The following EIF2D variants were observed in gnomAD, a reference collection of about 807,000 sequenced individuals.
EIF2D encodes the protein hepatocellular carcinoma-associated antigen 56.
In EIF2D, 56 loss-of-function variants were observed where a neutral mutation model predicts 77.4. The observed-to-expected ratio is 0.72, with a 90% confidence interval of 0.58 to 0.90. The LOEUF is 0.90. Ranked by LOEUF, EIF2D falls within the 40% of genes least tolerant of loss-of-function variation. The pLI, the probability that EIF2D is intolerant of heterozygous loss-of-function variation, is 0.00. For synonymous variants in EIF2D, 230 were observed against 271.0 expected (o/e 0.85, Z 1.49); for missense variants, 574 against 706.5 (o/e 0.81, Z 2.13).
intron 1 of EIF2D, 49 bp downstream of exon 1, chr1:206,612,238 A>C: frequency 6.2e-7 from 1 of 1,612,248 alleles, no homozygotes; most frequent in Non-Finnish European, 8.5e-7. Flanking sequence ...GCGGGGCCCA[A>C]GAGGTGTCTG....
chr1:206,597,195 A>G lies in EIF2D; in HGVS notation c.1293T>C (p.Asn431=). ...KNDLVDADNK[N]LVRLDPILCD... is the part of the protein sequence containing the mutation. Reference sequence around the variant, plus strand: ...ATAGGATGGGATCCAATCTCACAAGACTAAAGGGAAAGAAGAGGCAATGAA... The same window carrying G: ...ATAGGATGGGATCCAATCTCACAAGGCTAAAGGGAAAGAAGAGGCAATGAA... Residue 431 remains asparagine, a splice_region_variant and synonymous_variant, in exon 12 of 15, where the codon AAT becomes AAC. Transcript: ENST00000271764. The G allele has an allele frequency of 1.2e-6, 2 of 1,611,798 alleles. No individual in the cohort carries two copies. The highest frequency in any genetic ancestry group is 1.7e-6 in the Non-Finnish European group (2 of 1,177,958).
At chr1:206,600,537 T>G (rs1669879137) in intron 7 of EIF2D, 2 of 480,088 alleles carry the variant, frequency 4.2e-6, no homozygotes, top group South Asian at 7.6e-5. Flanking sequence ...ATGTTCTCTG[T>G]GTTGTCTAAC....
chr1:206,589,749 TCTGA>T (rs1268704905), downstream of EIF2D, among the ~76,000 whole-genome samples: 3 of 152,244 alleles, frequency 2.0e-5, no homozygotes, highest in Admixed American at 6.5e-5. Context: ...ACTTGAGTTC[TCTGA>T]CTTTCATCAA....
At position 206,609,398 on chromosome 1, in the gene EIF2D, G is replaced by A. The variant is rs782810050; in HGVS notation, c.309C>T (p.Leu103=). ...LPTFTTWPLV[L]EKLVGGADLM... ...TACCTGCTCCCCCTACCAGTTTCTC[G>A]AGCACCAGAGGCCATGTTGTAAAGG... Residue 103 remains leucine, a synonymous_variant, in exon 3 of 15, where the codon CTC becomes CTT. Coordinates refer to ENST00000271764, the MANE Select transcript of EIF2D (RefSeq NM_006893.3). The A allele has an allele frequency of 3.7e-6, 6 of 1,614,058 alleles. No individual in the cohort carries two copies. The highest frequency in any genetic ancestry group is 1.1e-5 in the South Asian group (1 of 91,092).
At position 206,603,418 on chromosome 1, in the gene EIF2D, G is replaced by A. The variant is rs1487826276; in HGVS notation, c.531-214C>T. ...CTCAGTTTCTTCATCTCTGAAATGG[G>A]GAGAATAAATCTTGTCTCCTCCCTA... On this transcript the variant is annotated intron_variant, in intron 5 of 14. Transcript: ENST00000271764. 5 of 554,624 alleles carry A rather than the reference G, an allele frequency of 9.0e-6. No individual in the cohort carries two copies. The African/African-American group carries it at 9.4e-5, about 10-fold the overall frequency. 34.4% of individuals were successfully genotyped at this position (554,624 alleles called of 1,614,324 possible).
chr1:206,593,508 A>AGTGTGTGTGTGC (rs371749910), intron 14 of EIF2D, 111 bp downstream of exon 14: 21,581 of 398,568 alleles, frequency 0.054, 630 homozygotes, highest in Non-Finnish European at 0.071. Flanking sequence ...AGAGAGAGAG[A>AGTGTGTGTGTGC]GTGTGTGTGT....
At chr1:206,583,015 A>C in intron 2 of EIF2D, 1 of 420,404 alleles carries the variant, frequency 2.4e-6, no homozygotes, top group Non-Finnish European at 4.5e-6. Flanking sequence ...TGCAGTAGGT[A>C]TTGTTCCCAT....
intron 2 of EIF2D, among the ~76,000 whole-genome samples, chr1:206,581,412 A>G (rs1322553685): frequency 6.6e-6 from 1 of 152,140 alleles, no homozygotes. Context: ...AGCCTGGCCA[A>G]TATGGTGAAA....
chr1:206,597,242 C>A, intron 11 of EIF2D, 47 bp from the exon 12 acceptor site: 1 of 1,453,304 alleles, frequency 6.9e-7, no homozygotes, highest in Non-Finnish European at 9.6e-7. Flanking sequence ...CTTGTCCCTT[C>A]TGACCTGAAG....
chr1:206,610,656 TA>T (rs1182306985), intron 2 of EIF2D, among the ~76,000 whole-genome samples: 2 of 152,156 alleles, frequency 1.3e-5, no homozygotes, highest in East Asian at 3.9e-4. Context: ...CCGTCTCTAC[TA>T]AAAAATGCAA....
Position 206,593,504 on chromosome 1 carries a change from A to AGTGTGTGTGTGCGTGTGT in EIF2D, c.1684+114_1684+115insACACACGCACACACACAC, listed in dbSNP as rs1476375070. 8.0e-4 allele frequency: 322 copies of AGTGTGTGTGTGCGTGTGT among 403,262 alleles called. 1 individual carries two copies. The highest frequency in any genetic ancestry group is 2.6e-3 in the Middle Eastern group (4 of 1,556). The allele number at this position is 403,262 out of a possible 1,614,324, so 25.0% of individuals were successfully genotyped here. A position where few individuals can be genotyped will look rare whatever the true frequency, so the allele number is the denominator to read the frequency against. On this transcript the variant is annotated intron_variant, in intron 14 of 14. Coordinates refer to ENST00000271764, the MANE Select transcript of EIF2D (RefSeq NM_006893.3). ...GAGAGAGAGCGAGAGAGAGAGAGAGAGAGAGTGTGTGTGTGTGTGTGTGTG... is the reference window on the plus strand; with the variant it reads ...GAGAGAGAGCGAGAGAGAGAGAGAGAGTGTGTGTGTGCGTGTGTGAGAGTGTGTGTGTGTGTGTGTGTG...
chr1:206,581,126 C>T (rs1358923905), exon 3 of EIF2D: 1 of 152,258 alleles, frequency 6.6e-6, no homozygotes, highest in African/African-American at 2.4e-5. Context: ...CAGGGGACCA[C>T]AGGCATGTTT....
rs1157401111 is a variant in EIF2D at position 206,584,004 on chromosome 1, AG to A, written c.139-2843del. 9.2e-5 allele frequency among the ~76,000 whole-genome samples: 14 copies of A among 152,180 alleles called. No individual in the cohort carries two copies. The highest frequency in any genetic ancestry group is 3.4e-4 in the African/African-American group (14 of 41,428). On this transcript the variant is annotated intron_variant and NMD_transcript_variant, in intron 2 of 5. Coordinates refer to the EIF2D transcript ENST00000472709. The surrounding 1 kb of genome is among the most constrained non-coding windows in gnomAD (Gnocchi z 4.9). ...GGAAATCTAGTGGGCTGGTTCTCCA[AG>A]GCCCTCATTATAGAGCCTTCCTGCT...
chr1:206,583,140 C>T, intron 2 of EIF2D: 1 of 654,260 alleles, frequency 1.5e-6, no homozygotes, highest in South Asian at 1.6e-5. Context: ...CGAGTCCGTG[C>T]AGTTAGTTCC....
At chr1:206,602,666 G>A in intron 6 of EIF2D, 1 of 634,750 alleles carries the variant, frequency 1.6e-6, no homozygotes, top group Non-Finnish European at 2.7e-6. Flanking sequence ...CACCAAGCTA[G>A]GAGTGTTCAC....
downstream of EIF2D, chr1:206,588,971 A>G (rs1553408394): frequency 1.3e-5 from 2 of 152,784 alleles, no homozygotes. Context: ...TCATGTATAT[A>G]TACACATAAA....
chr1:206,611,816 C>T (rs1670510718), intron 1 of EIF2D, among the ~76,000 whole-genome samples: 1 of 152,260 alleles, frequency 6.6e-6, no homozygotes, highest in Non-Finnish European at 1.5e-5. Context: ...GTGACCCTGT[C>T]TGAACAGATA....
intron 2 of EIF2D, chr1:206,585,712 C>T (rs1419564663): frequency 1.2e-5 from 2 of 161,890 alleles, no homozygotes; most frequent in Middle Eastern, 3.0e-3. Context: ...ACCTCCATCC[C>T]CCAAGGGGAG....
rs781947374 is a variant in EIF2D at position 206,599,200 on chromosome 1, G to A, written c.1203-108C>T. 1.5e-5 allele frequency: 17 copies of A among 1,102,652 alleles called. No homozygotes were observed. The highest frequency in any genetic ancestry group is 2.4e-5 in the East Asian group (1 of 41,220). 68.3% of individuals were successfully genotyped at this position (1,102,652 alleles called of 1,614,324 possible). On this transcript the variant is annotated intron_variant, in intron 10 of 14. Transcript: ENST00000271764. This position sits in a 1 kb window ranked among gnomAD's most constrained non-coding sequence, Gnocchi z 4.1. ...GAGCAGGGAACTTTCCTTAGCTTTC[G>A]GCCTCTAGTTTCTTCCCTTTTCCTG...
Sources: allele counts gnomAD v4.1 joint callset (sites outside exome capture counted in the v4.1 genomes callset), GRCh38; gene constraint gnomAD v4.1.1; non-coding constraint Gnocchi (gnomAD v3.1); transcripts MANE v1.5; gene names NCBI Gene and HGNC (gene_info 2026-07-23, HGNC 2026-07-21).